The following SYT1 variants were observed in gnomAD, a reference collection of about 807,000 sequenced individuals.
SYT1 encodes the protein synaptotagmin-1.
SYT1 carries 8 observed loss-of-function variants against 44.8 expected under a neutral mutation model. The ratio of observed to expected loss-of-function variants is 0.18; its 90% CI spans 0.10 to 0.32. SYT1 has a LOEUF of 0.32. SYT1 is among the 10% of genes least tolerant of loss of function. The pLI, the probability that SYT1 is intolerant of heterozygous loss-of-function variation, is 1.00. For missense variants in SYT1, 286 were observed against 509.3 expected (o/e 0.56, Z 4.22); for synonymous variants, 154 against 188.8 (o/e 0.82, Z 1.51).
At chr12:79,389,369 A>C (rs1292793310) in intron 9 of SYT1, among the ~76,000 whole-genome samples, 1 of 152,204 alleles carries the variant, frequency 6.6e-6, no homozygotes, top group African/African-American at 2.4e-5. Flanking sequence ...AAATTAAATA[A>C]TACACCCAAA....
At chr12:79,370,501 T>G (rs1312844) in intron 9 of SYT1, among the ~76,000 whole-genome samples, 76,682 of 151,988 alleles carry the variant, frequency 0.5, 23,834 homozygotes, top group African/African-American at 0.87. Flanking sequence ...GGTGGCTCAC[T>G]CCTGTAATCC....
At chr12:79,355,712 T>G (rs147769702) in intron 9 of SYT1, among the ~76,000 whole-genome samples, 3 of 152,224 alleles carry the variant, frequency 2.0e-5, no homozygotes, top group Non-Finnish European at 4.4e-5. Context: ...GGTCGTTTCC[T>G]TCACCTGGAA....
At chr12:79,022,923 T>C (rs762923080) in intron 2 of SYT1, among the ~76,000 whole-genome samples, 4 of 151,848 alleles carry the variant, frequency 2.6e-5, no homozygotes, top group Non-Finnish European at 4.4e-5. Context: ...TTAGTTTTAG[T>C]GCTAGAAATA....
intron 3 of SYT1, among the ~76,000 whole-genome samples, chr12:79,084,475 C>G (rs1456867417): frequency 6.6e-6 from 1 of 152,058 alleles, no homozygotes; most frequent in African/African-American, 2.4e-5. Context: ...GACCGAGACT[C>G]CAAGAGGCTC....
At chr12:78,912,457 G>A (rs1437513460) in intron 1 of SYT1, among the ~76,000 whole-genome samples, 2 of 151,800 alleles carry the variant, frequency 1.3e-5, no homozygotes, top group Non-Finnish European at 2.9e-5. Flanking sequence ...GAATAAAGCA[G>A]CATTGAAAAA....
At chr12:79,152,575 C>A (rs1870340352) in intron 3 of SYT1, among the ~76,000 whole-genome samples, 1 of 151,998 alleles carries the variant, frequency 6.6e-6, no homozygotes, top group Non-Finnish European at 1.5e-5. Context: ...ATATATTCCT[C>A]ATATAATCTC....
At chr12:79,085,642 CAGG>C (rs1877332616) in intron 3 of SYT1, among the ~76,000 whole-genome samples, 1 of 152,096 alleles carries the variant, frequency 6.6e-6, no homozygotes, top group African/African-American at 2.4e-5. Flanking sequence ...TGCCAGTAAC[CAGG>C]AGTAGGACCA....
chr12:78,949,709 T>C (rs1175552298), intron 1 of SYT1, among the ~76,000 whole-genome samples: 1 of 151,966 alleles, frequency 6.6e-6, no homozygotes, highest in East Asian at 1.9e-4. Context: ...TGAGAAAATA[T>C]GACAGATTTT....
chr12:79,097,428 A>C (rs536054299), intron 3 of SYT1, among the ~76,000 whole-genome samples: 10 of 152,168 alleles, frequency 6.6e-5, no homozygotes, highest in Non-Finnish European at 1.5e-4. Flanking sequence ...AGACTGCCAG[A>C]ATGACCTGTT....
rs182415650 is a variant in SYT1 at position 78,995,279 on chromosome 12, A to T, written c.-84+17348A>T. Among the ~76,000 whole-genome samples, 4 of 152,296 alleles carry T rather than the reference A, an allele frequency of 2.6e-5. No homozygotes were observed. The East Asian group carries it at 7.7e-4, about 29-fold the overall frequency. On this transcript the variant is annotated intron_variant, in intron 2 of 10. Transcript: ENST00000261205. The stretch of plus-strand genomic sequence containing the variant: ...CAAACTTTGGAATAGGCTAAAAGCA[A>T]GTGTCTATATCCACTTTTAGAAACC...
chr12:79,450,023 C>T lies in SYT1; in HGVS notation c.*899C>T, dbSNP rs2136214258. The T allele has an allele frequency of 6.6e-6, 1 of 151,590 alleles. No homozygotes were observed. Among genetic ancestry groups the T allele is most frequent in the African/African-American group, 2.4e-5 (1 of 41,256 alleles). The allele number at this position is 151,590 out of a possible 1,614,324, so 9.4% of individuals were successfully genotyped here. On this transcript the variant is annotated 3_prime_UTR_variant, in exon 11 of 11. Transcript: ENST00000261205. The stretch of plus-strand genomic sequence containing the variant: ...GAAGTCAACATTTATGAAATATTGC[C>T]TGACTATTTAAAAAGAAAAAAGTAG...
intron 3 of SYT1, among the ~76,000 whole-genome samples, chr12:79,054,489 A>G (rs901474452): frequency 6.6e-5 from 10 of 151,970 alleles, no homozygotes; most frequent in Non-Finnish European, 1.3e-4. Flanking sequence ...AACAATATTT[A>G]TTTTGTTTGT....
chr12:79,270,794 C>T (rs530016310), intron 4 of SYT1, among the ~76,000 whole-genome samples: 3 of 152,268 alleles, frequency 2.0e-5, no homozygotes, highest in South Asian at 4.1e-4. Flanking sequence ...GAGATAGTGG[C>T]GTACTTCAAA....
intron 4 of SYT1, among the ~76,000 whole-genome samples, chr12:79,277,388 T>C (rs1414203040): frequency 6.6e-6 from 1 of 152,114 alleles, no homozygotes; most frequent in Non-Finnish European, 1.5e-5. Context: ...AGAAGAACTA[T>C]CAGCCAAGAA....
chr12:79,275,210 G>A (rs1437559878), intron 4 of SYT1, among the ~76,000 whole-genome samples: 1 of 152,130 alleles, frequency 6.6e-6, no homozygotes, highest in Non-Finnish European at 1.5e-5. Context: ...TTTAAGCAGA[G>A]GCACAGGCAG....
chr12:78,922,613 A>G (rs1009490806), intron 1 of SYT1, among the ~76,000 whole-genome samples: 6 of 151,966 alleles, frequency 3.9e-5, no homozygotes, highest in African/African-American at 1.4e-4. Context: ...TTATGAAATC[A>G]TAGAGCCTCT....
rs1402989842 is a variant in SYT1 at position 79,217,493 on chromosome 12, C to G, written c.-17-10C>G. The G allele has an allele frequency of 6.4e-7, 1 of 1,554,674 alleles. No homozygotes were observed. The highest frequency in any genetic ancestry group is 8.7e-7 in the Non-Finnish European group (1 of 1,155,212). ...TGAATTGTTCTGTCTTTGCTTCCCTCCCCTCACAGCTTCACCTGAACCTAA... is the reference window on the plus strand; with the variant it reads ...TGAATTGTTCTGTCTTTGCTTCCCTGCCCTCACAGCTTCACCTGAACCTAA... On this transcript the variant is annotated splice_polypyrimidine_tract_variant and intron_variant, in intron 3 of 10. Transcript: ENST00000261205.
intron 4 of SYT1, among the ~76,000 whole-genome samples, chr12:79,281,242 A>G (rs533821899): frequency 1.3e-5 from 2 of 152,316 alleles, no homozygotes; most frequent in African/African-American, 4.8e-5. Context: ...AGAGGTATGG[A>G]ATCAACCTAA....
chr12:79,397,548 AAGG>A (rs1463426665), intron 9 of SYT1, among the ~76,000 whole-genome samples: 1 of 152,106 alleles, frequency 6.6e-6, no homozygotes, highest in Admixed American at 6.5e-5. Context: ...TTTTAAATGA[AAGG>A]AGATCTGCCT....
Sources: allele counts gnomAD v4.1 joint callset (sites outside exome capture counted in the v4.1 genomes callset), GRCh38; gene constraint gnomAD v4.1.1; transcripts MANE v1.5; gene names NCBI Gene and HGNC (gene_info 2026-07-23, HGNC 2026-07-21).